Variants in PCDHGA4 observed in about 807,000 individuals in gnomAD.
PCDHGA4 encodes protocadherin gamma-A4.
A neutral mutation model predicts 54.6 loss-of-function variants in PCDHGA4; 38 were observed. The observed-to-expected ratio is 0.70, with a 90% CI of 0.54 to 0.91. The LOEUF is 0.91. PCDHGA4 is among the 40% of genes least tolerant of loss of function. The pLI, the probability that PCDHGA4 is intolerant of heterozygous loss-of-function variation, is 0.00. For missense variants in PCDHGA4, 1,298 were observed against 1,220.9 expected (o/e 1.06, Z -0.94); for synonymous variants, 511 against 512.9 (o/e 1.00, Z 0.05).
rs1307889557 is a variant in PCDHGA4, at chr5:141,486,267, C to G, written c.2515-8540C>G. On this transcript the variant is annotated intron_variant, in intron 1 of 3. Transcript: ENST00000571252. The surrounding 1 kb of genome is among the most constrained non-coding windows in gnomAD (Gnocchi z 5.0). ...GGAACCCTCCCCGAGAGTGCAGAAC[C>G]TGGCACTGTGGTGGCACTTATCAGT... 1 of 1,614,128 alleles carries G rather than the reference C, an allele frequency of 6.2e-7. No homozygotes were observed. Among genetic ancestry groups the G allele is most frequent in the South Asian group, 1.1e-5 (1 of 91,072 alleles).
chr5:141,423,865 T>G, intron 1 of PCDHGA4: 1 of 1,285,992 alleles, frequency 7.8e-7, no homozygotes, highest in Non-Finnish European at 9.9e-7. Flanking sequence ...TTTGTGAAAG[T>G]CATTTTTCAA....
At chr5:141,378,810 A>G (rs920121754) in intron 1 of PCDHGA4, 1 of 152,256 alleles carries the variant, frequency 6.6e-6, no homozygotes, top group Non-Finnish European at 1.5e-5. Context: ...TGCAAACAGA[A>G]TCATTGTTTC....
intron 1 of PCDHGA4, among the ~76,000 whole-genome samples, chr5:141,380,518 T>C (rs1166161347): frequency 1.3e-5 from 2 of 152,254 alleles, no homozygotes; most frequent in African/African-American, 2.4e-5. Context: ...CTTTAAACTA[T>C]GAAATGATTT....
intron 1 of PCDHGA4, chr5:141,426,867 G>A (rs1436078091): frequency 4.4e-6 from 2 of 456,708 alleles, no homozygotes; most frequent in Non-Finnish European, 8.8e-6. Flanking sequence ...ATTAGTGCTG[G>A]AGAAGCCCCT....
chr5:141,389,488 A>G (rs1405287897), intron 1 of PCDHGA4: 2 of 1,612,912 alleles, frequency 1.2e-6, no homozygotes, highest in Non-Finnish European at 1.7e-6. Flanking sequence ...GCCCGCGACC[A>G]GGGCTCGCCA....
At chr5:141,375,947 C>A in intron 1 of PCDHGA4, 2 of 1,613,578 alleles carry the variant, frequency 1.2e-6, no homozygotes, top group Non-Finnish European at 8.5e-7. Context: ...AGTGGGCCTG[C>A]ACACGGGCGA....
At chr5:141,372,417 C>G in intron 1 of PCDHGA4, 1 of 1,614,062 alleles carries the variant, frequency 6.2e-7, no homozygotes, top group Non-Finnish European at 8.5e-7. Flanking sequence ...ACAACCTGAC[C>G]TTAGCGACCG....
At chr5:141,404,233 AG>A (rs2094501302) in intron 1 of PCDHGA4, 1 of 1,613,628 alleles carries the variant, frequency 6.2e-7, no homozygotes, top group African/African-American at 1.3e-5. Flanking sequence ...CAACAGACAG[AG>A]GAACTCCGCC....
At chr5:141,393,201 A>C in intron 1 of PCDHGA4, 1 of 1,613,534 alleles carries the variant, frequency 6.2e-7, no homozygotes, top group Admixed American at 1.7e-5. Context: ...TAACGATAAT[A>C]ACCCAAAATT....
At chr5:141,449,631 G>C in intron 1 of PCDHGA4, among the ~76,000 whole-genome samples, 1 of 148,476 alleles carries the variant, frequency 6.7e-6, no homozygotes, top group Middle Eastern at 3.6e-3. Flanking sequence ...TTAAAAAGAT[G>C]TATCTATATA....
Position 141,375,135 on chromosome 5 carries a change from C to T in PCDHGA4, c.2514+17514C>T, listed in dbSNP as rs757101411. The T allele has an allele frequency of 3.7e-6, 6 of 1,613,924 alleles. No homozygotes were observed. In the East Asian group the frequency reaches 1.3e-4, roughly 36 times the overall value. ...AATGTACCAGAAGTGGTTGTTACATCTGGAAGCAGAACAATTGCTGAAAGT... is the reference window on the plus strand; with the variant it reads ...AATGTACCAGAAGTGGTTGTTACATTTGGAAGCAGAACAATTGCTGAAAGT... On this transcript the variant is annotated intron_variant, in intron 1 of 3. Coordinates refer to ENST00000571252, the MANE Select transcript of PCDHGA4 (RefSeq NM_018917.4).
Position 141,432,923 on chromosome 5 carries a change from T to C in PCDHGA4, c.2515-61884T>C. ...GCTCAGGCTGCGGCGCTGGCACAAG[T>C]CACGCCTGCTGCAGGCTTCAGGAGG... On this transcript the variant is annotated intron_variant, in intron 1 of 3. Coordinates refer to ENST00000571252, the MANE Select transcript of PCDHGA4 (RefSeq NM_018917.4). This position sits in a 1 kb window ranked among gnomAD's most constrained non-coding sequence, Gnocchi z 6.0. The C allele has an allele frequency of 6.2e-7, 1 of 1,614,186 alleles. No homozygotes were observed. Among genetic ancestry groups the C allele is most frequent in the Non-Finnish European group, 8.5e-7 (1 of 1,180,034 alleles).
At position 141,402,884 on chromosome 5, in the gene PCDHGA4, T is replaced by C. The variant is rs73792196; in HGVS notation, c.2514+45263T>C. Reference sequence around the variant, plus strand: ...GAAAAGATCACCATACTTTGCAGGGTGGAAGAAAGAACCTGATGAAGCAGC... The same window carrying C: ...GAAAAGATCACCATACTTTGCAGGGCGGAAGAAAGAACCTGATGAAGCAGC... On this transcript the variant is annotated intron_variant, in intron 1 of 3. Transcript: ENST00000571252. The C allele has an allele frequency of 1.4e-3, 2,074 of 1,481,580 alleles. 26 individuals carry two copies. The African/African-American group carries it at 0.026, about 18-fold the overall frequency. The allele number at this position is 1,481,580 out of a possible 1,614,324, so 91.8% of individuals were successfully genotyped here.
chr5:141,405,418 T>C (rs2094662415), intron 1 of PCDHGA4: 1 of 1,508,444 alleles, frequency 6.6e-7, no homozygotes, highest in South Asian at 1.2e-5. Context: ...TTTTTTTGTT[T>C]TTTGTTTTGT....
intron 1 of PCDHGA4, chr5:141,395,894 C>T (rs768471284): frequency 6.6e-6 from 1 of 152,020 alleles, no homozygotes; most frequent in Non-Finnish European, 1.5e-5. Flanking sequence ...CACCTGGGCT[C>T]CATGCCCATG....
intron 1 of PCDHGA4, among the ~76,000 whole-genome samples, chr5:141,449,525 G>T (rs2098641561): frequency 6.7e-6 from 1 of 148,580 alleles, no homozygotes; most frequent in South Asian, 2.1e-4. Flanking sequence ...GGAGGCGGAG[G>T]TTGCAGTGAG....
intron 1 of PCDHGA4, among the ~76,000 whole-genome samples, chr5:141,444,150 GGATT>G (rs2098419499): frequency 1.8e-5 from 2 of 114,014 alleles, no homozygotes; most frequent in Non-Finnish European, 1.7e-5. Flanking sequence ...TGTGTGTACT[GGATT>G]TTTTTTTTTT....
At chr5:141,366,544 G>T (rs368873957) in intron 1 of PCDHGA4, 5 of 1,614,112 alleles carry the variant, frequency 3.1e-6, no homozygotes, top group Non-Finnish European at 4.2e-6. Context: ...TGCCCGCCTC[G>T]CACTTTGTGG....
intron 1 of PCDHGA4, among the ~76,000 whole-genome samples, chr5:141,450,561 A>G (rs1381887193): frequency 6.6e-6 from 1 of 151,856 alleles, no homozygotes; most frequent in Admixed American, 6.6e-5. Flanking sequence ...GTCTCGGCTC[A>G]CTGCAACTTC....
Sources: allele counts gnomAD v4.1 joint callset (sites outside exome capture counted in the v4.1 genomes callset), GRCh38; gene constraint gnomAD v4.1.1; non-coding constraint Gnocchi (gnomAD v3.1); transcripts MANE v1.5; gene names NCBI Gene and HGNC (gene_info 2026-07-23, HGNC 2026-07-21).